Variants in ELOVL5 observed in about 807,000 individuals in gnomAD.
ELOVL5 encodes very long chain fatty acid elongase 5.
In ELOVL5, 8 loss-of-function variants were observed where a neutral mutation model predicts 38.6. The observed-to-expected ratio is 0.21, with a 90% CI of 0.12 to 0.37. The LOEUF (loss-of-function observed/expected upper bound fraction) is 0.37, where lower values mean the gene tolerates loss of function less well. Among genes scored for constraint, ELOVL5 ranks in the 10% least tolerant of loss-of-function variants. ELOVL5 has a pLI of 1.00. For missense variants in ELOVL5, 280 were observed against 367.8 expected, an observed-to-expected ratio of 0.76 and a Z score of 1.95; for synonymous variants, 127 against 133.7, an observed-to-expected ratio of 0.95 and a Z score of 0.34.
At chr6:53,318,706 C>G (rs1768155060) in intron 1 of ELOVL5, among the ~76,000 whole-genome samples, 1 of 151,734 alleles carries the variant, frequency 6.6e-6, no homozygotes, top group African/African-American at 2.4e-5. Context: ...CGCTACTGCA[C>G]TCCAGCCTGG....
intron 1 of ELOVL5, among the ~76,000 whole-genome samples, chr6:53,325,370 C>CG (rs111393811): frequency 0.53 from 80,503 of 151,922 alleles, 22,513 homozygotes; most frequent in Non-Finnish European, 0.61. Flanking sequence ...GTCCAAATGT[C>CG]ATTTTTTAAA....
At chr6:53,294,652 A>C (rs1171906588) in intron 2 of ELOVL5, among the ~76,000 whole-genome samples, 1 of 152,196 alleles carries the variant, frequency 6.6e-6, no homozygotes. Flanking sequence ...TTACAGCTAA[A>C]GTAAGGCACT....
intron 1 of ELOVL5, among the ~76,000 whole-genome samples, chr6:53,311,469 T>C (rs955191729): frequency 6.6e-6 from 1 of 152,192 alleles, no homozygotes; most frequent in Non-Finnish European, 1.5e-5. Flanking sequence ...GACCCAGCAA[T>C]TCCACTCCTA....
chr6:53,286,477 C>T (rs148352933), intron 3 of ELOVL5, among the ~76,000 whole-genome samples: 323 of 152,160 alleles, frequency 2.1e-3, no homozygotes, highest in Non-Finnish European at 3.7e-3. Flanking sequence ...GTGGGAGGAT[C>T]GCTTAAGGCC....
chr6:53,278,022 C>T (rs950465522), intron 3 of ELOVL5, among the ~76,000 whole-genome samples: 3 of 152,296 alleles, frequency 2.0e-5, no homozygotes, highest in East Asian at 3.9e-4. Flanking sequence ...AAGATAAATT[C>T]GTGCAATGTA....
intron 3 of ELOVL5, chr6:53,287,779 T>C: frequency 7.9e-7 from 1 of 1,265,118 alleles, no homozygotes; most frequent in Non-Finnish European, 1.1e-6. Flanking sequence ...CCGGAGTGCC[T>C]CCTTCTGAGG....
intron 1 of ELOVL5, among the ~76,000 whole-genome samples, chr6:53,310,753 G>C (rs1561881158): frequency 1.3e-5 from 2 of 152,070 alleles, no homozygotes; most frequent in South Asian, 2.1e-4. Context: ...TCACACAGTT[G>C]ATTTTTAAAA....
rs56122846 is a variant in ELOVL5 at position 53,285,749 on chromosome 6, C to T, written c.246+6027G>A. 8.8e-3 allele frequency among the ~76,000 whole-genome samples: 1,337 copies of T among 152,274 alleles called. 12 individuals are homozygous for T. The highest frequency in any genetic ancestry group is 0.02 in the Middle Eastern group (6 of 294). On this transcript the variant is annotated intron_variant, in intron 3 of 7. Coordinates refer to ENST00000304434, the MANE Select transcript of ELOVL5 (RefSeq NM_021814.5). Reference sequence around the variant, plus strand: ...TCGGCCTCCCAAGTAGCTAGGACAACAAGCTCGAGCCATGCCAGGCTAGTT... The same window carrying T: ...TCGGCCTCCCAAGTAGCTAGGACAATAAGCTCGAGCCATGCCAGGCTAGTT...
At chr6:53,335,810 A>C (rs535497136) in intron 1 of ELOVL5, among the ~76,000 whole-genome samples, 2 of 152,286 alleles carry the variant, frequency 1.3e-5, no homozygotes, top group East Asian at 3.9e-4. Context: ...ATGTAAGCAA[A>C]GTTATCTGGA....
intron 1 of ELOVL5, among the ~76,000 whole-genome samples, chr6:53,297,560 C>A (rs1033607063): frequency 6.6e-6 from 1 of 152,100 alleles, no homozygotes; most frequent in African/African-American, 2.4e-5. Context: ...GATCAACTGC[C>A]TCAGGATCGA....
intron 3 of ELOVL5, among the ~76,000 whole-genome samples, chr6:53,286,778 T>A (rs1195101112): frequency 6.6e-6 from 1 of 152,126 alleles, no homozygotes; most frequent in Non-Finnish European, 1.5e-5. Context: ...AAAAATCTAT[T>A]TGAAAAAGAG....
intron 1 of ELOVL5, among the ~76,000 whole-genome samples, chr6:53,331,007 T>C (rs937400837): frequency 2.0e-5 from 3 of 152,122 alleles, no homozygotes; most frequent in African/African-American, 7.2e-5. Flanking sequence ...TGTTTCACAA[T>C]TAACTTTATT....
chr6:53,284,301 CTT>C (rs5876312), intron 3 of ELOVL5, among the ~76,000 whole-genome samples: 23 of 147,840 alleles, frequency 1.6e-4, no homozygotes, highest in East Asian at 2.0e-4. Context: ...GCAAGACCAT[CTT>C]TTTTTTTTTT....
At chr6:53,275,316 T>C (rs1766070405) in intron 4 of ELOVL5, 55 bp from the exon 5 acceptor site, 10 of 1,566,348 alleles carry the variant, frequency 6.4e-6, no homozygotes, top group African/African-American at 1.4e-5. Flanking sequence ...CTCTGGAATA[T>C]CACCTCTGAC....
intron 1 of ELOVL5, among the ~76,000 whole-genome samples, chr6:53,344,697 A>G (rs967674013): frequency 2.0e-5 from 3 of 152,200 alleles, no homozygotes; most frequent in African/African-American, 7.2e-5. Context: ...ACAATAGCTC[A>G]GTAAGAGTTA....
chr6:53,319,523 G>A (rs1768212319), intron 1 of ELOVL5, among the ~76,000 whole-genome samples: 1 of 152,182 alleles, frequency 6.6e-6, no homozygotes, highest in Non-Finnish European at 1.5e-5. Flanking sequence ...CCATAACTGA[G>A]AGTGCAGCTC....
chr6:53,305,457 G>A (rs62413885), intron 1 of ELOVL5, among the ~76,000 whole-genome samples: 12 of 150,152 alleles, frequency 8.0e-5, no homozygotes, highest in East Asian at 4.0e-4. Context: ...GGTGGCAGCC[G>A]GGCGGAGGGG....
At chr6:53,348,327 T>A (rs913044337) in intron 1 of ELOVL5, among the ~76,000 whole-genome samples, 1 of 150,868 alleles carries the variant, frequency 6.6e-6, no homozygotes, top group Non-Finnish European at 1.5e-5. Flanking sequence ...CCGCAGACCC[T>A]CGCACAGGCT....
intron 3 of ELOVL5, among the ~76,000 whole-genome samples, chr6:53,283,265 A>G (rs953598550): frequency 6.6e-6 from 1 of 152,210 alleles, no homozygotes; most frequent in African/African-American, 2.4e-5. Flanking sequence ...GAAAAAGAGA[A>G]ATCAGCTTAA....
Sources: allele counts gnomAD v4.1 joint callset (sites outside exome capture counted in the v4.1 genomes callset), GRCh38; gene constraint gnomAD v4.1.1; transcripts MANE v1.5; gene names NCBI Gene and HGNC (gene_info 2026-07-23, HGNC 2026-07-21).